The following AFF3 variants were observed in gnomAD, a reference collection of about 807,000 sequenced individuals.
The protein encoded by AFF3 is ALF transcription elongation factor 3, also known as AF4/FMR2 family member 3.
Under a neutral mutation model 129.7 loss-of-function variants are expected in AFF3, and 32 were observed. The ratio of observed to expected loss-of-function variants is 0.25; its 90% CI spans 0.19 to 0.33. The LOEUF (loss-of-function observed/expected upper bound fraction) is 0.33. Among genes scored for constraint, AFF3 ranks in the 10% least tolerant of loss-of-function variants. The pLI is 1.00. For synonymous variants in AFF3, 644 were observed against 635.4 expected (o/e 1.01, Z -0.20); for missense variants, 1,373 against 1,592.0 (o/e 0.86, Z 2.34).
intron 7 of AFF3, among the ~76,000 whole-genome samples, chr2:99,971,553 T>C (rs1382614487): frequency 6.6e-6 from 1 of 152,216 alleles, no homozygotes; most frequent in Non-Finnish European, 1.5e-5. Flanking sequence ...ATAACTCCCT[T>C]TGCAGCTCCA....
At chr2:99,943,967 A>G (rs1675316606) in intron 7 of AFF3, among the ~76,000 whole-genome samples, 1 of 151,792 alleles carries the variant, frequency 6.6e-6, no homozygotes, top group Non-Finnish European at 1.5e-5. Flanking sequence ...CAGTAGCACC[A>G]CCACGGCTCA....
chr2:100,005,184 GCCT>G (rs1681850780), intron 7 of AFF3, among the ~76,000 whole-genome samples: 1 of 152,114 alleles, frequency 6.6e-6, no homozygotes, highest in Non-Finnish European at 1.5e-5. Context: ...ATACCCAAAA[GCCT>G]CATAAAAACT....
At chr2:99,679,291 A>G (rs1173178823) in intron 11 of AFF3, among the ~76,000 whole-genome samples, 1 of 152,108 alleles carries the variant, frequency 6.6e-6, no homozygotes, top group Non-Finnish European at 1.5e-5. Context: ...ATGATCCTGT[A>G]ACTCTGCCAT....
chr2:100,047,590 A>G (rs1431215795), intron 4 of AFF3, among the ~76,000 whole-genome samples: 1 of 152,222 alleles, frequency 6.6e-6, no homozygotes, highest in Non-Finnish European at 1.5e-5. Context: ...TATTCTCAAC[A>G]ATTTTTTTAA....
At chr2:100,016,884 G>C (rs944457733) in intron 4 of AFF3, among the ~76,000 whole-genome samples, 4 of 151,294 alleles carry the variant, frequency 2.6e-5, no homozygotes, top group Non-Finnish European at 4.4e-5. Context: ...GGTACTGATG[G>C]TGATGGTGGT....
intron 7 of AFF3, among the ~76,000 whole-genome samples, chr2:99,926,733 T>G (rs745916588): frequency 1.3e-5 from 2 of 152,100 alleles, no homozygotes; most frequent in Non-Finnish European, 2.9e-5. Flanking sequence ...TTAAGTATGG[T>G]CTGTACTGTC....
chr2:99,820,389 G>A (rs938120101), intron 8 of AFF3, among the ~76,000 whole-genome samples: 1 of 152,024 alleles, frequency 6.6e-6, no homozygotes, highest in Non-Finnish European at 1.5e-5. Flanking sequence ...AGCATAAAAG[G>A]TTGAAAATGG....
In AFF3 at chr2:99,642,523, T is replaced by C. The variant is rs533993939; in HGVS notation, c.1184+7103A>G. On this transcript the variant is annotated intron_variant, in intron 13 of 24. Transcript: ENST00000672756. ...ATTATTTCCTCTTTTAAGCCCAAAG[T>C]TGCCATTATTTTAACCACAAAGCAT... Among the ~76,000 whole-genome samples, 69 of 152,346 alleles carry C rather than the reference T, an allele frequency of 4.5e-4. 1 individual carries two copies. Among genetic ancestry groups the C allele is most frequent in the African/African-American group, 1.6e-3 (67 of 41,590 alleles).
chr2:99,996,547 TTTTTTTG>T (rs1680849928), intron 7 of AFF3, among the ~76,000 whole-genome samples: 2 of 143,240 alleles, frequency 1.4e-5, no homozygotes, highest in Non-Finnish European at 3.0e-5. Flanking sequence ...TTTTTTTTTT[TTTTTTTG>T]TATTTTTAGT....
chr2:99,874,956 T>C (rs1692173307), intron 7 of AFF3, among the ~76,000 whole-genome samples: 1 of 152,174 alleles, frequency 6.6e-6, no homozygotes, highest in Non-Finnish European at 1.5e-5. Context: ...ATGTTTAAAA[T>C]TGTGGAATCT....
intron 13 of AFF3, among the ~76,000 whole-genome samples, chr2:99,619,114 T>G (rs61564116): frequency 6.6e-6 from 1 of 152,130 alleles, no homozygotes; most frequent in South Asian, 2.1e-4. Flanking sequence ...CCCAGAGAGA[T>G]GGCAGTGCCC....
chr2:100,001,492 G>T (rs1014568722), intron 7 of AFF3, among the ~76,000 whole-genome samples: 1 of 152,204 alleles, frequency 6.6e-6, no homozygotes, highest in African/African-American at 2.4e-5. Flanking sequence ...GCAGTGGCAT[G>T]ATCTCGTCTC....
At chr2:99,732,606 C>T (rs1679925496) in intron 10 of AFF3, among the ~76,000 whole-genome samples, 1 of 152,136 alleles carries the variant, frequency 6.6e-6, no homozygotes, top group Admixed American at 6.5e-5. Flanking sequence ...CTGTGCAATA[C>T]TTTATTGTAT....
At chr2:99,881,114 T>G in intron 7 of AFF3, among the ~76,000 whole-genome samples, 1 of 152,190 alleles carries the variant, frequency 6.6e-6, no homozygotes, top group South Asian at 2.1e-4. Flanking sequence ...GTATAGGCCT[T>G]TGTACTCTAT....
chr2:100,109,589 A>C (rs142808463), intron 2 of AFF3, among the ~76,000 whole-genome samples: 3 of 152,172 alleles, frequency 2.0e-5, no homozygotes, highest in African/African-American at 7.2e-5. Flanking sequence ...GTTCTTTGTC[A>C]TGCTTCTTCA....
intron 8 of AFF3, among the ~76,000 whole-genome samples, chr2:99,778,517 C>T (rs1292826893): frequency 6.6e-6 from 1 of 152,168 alleles, no homozygotes; most frequent in Non-Finnish European, 1.5e-5. Flanking sequence ...CTGTCTCTCC[C>T]CACTCCCATC....
At chr2:99,627,202 T>TA (rs1467026668) in intron 13 of AFF3, among the ~76,000 whole-genome samples, 1 of 152,138 alleles carries the variant, frequency 6.6e-6, no homozygotes. Context: ...CAACAGTGTA[T>TA]AACGTTCCTT....
chr2:99,561,322 C>T (rs1311321972), intron 20 of AFF3, among the ~76,000 whole-genome samples: 3 of 152,216 alleles, frequency 2.0e-5, no homozygotes, highest in Admixed American at 6.5e-5. Context: ...CTGTTATCAT[C>T]GCACTATCTC....
At chr2:100,063,914 A>G (rs541429200) in intron 4 of AFF3, among the ~76,000 whole-genome samples, 1 of 151,982 alleles carries the variant, frequency 6.6e-6, no homozygotes, top group East Asian at 1.9e-4. Flanking sequence ...ACATGGAGAA[A>G]CCCCATATCT....
Sources: gnomAD v4.1 joint callset for allele counts (sites outside exome capture counted in the v4.1 genomes callset) on GRCh38, gnomAD v4.1.1 for gene constraint, MANE v1.5 for transcripts, NCBI Gene and HGNC (gene_info 2026-07-23, HGNC 2026-07-21) for gene names.